The following ACSS1 variants were observed in gnomAD, a reference collection of about 807,000 sequenced individuals.
ACSS1 encodes acyl-CoA synthetase short chain family member 1.
ACSS1 carries 42 observed loss-of-function variants against 75.3 expected under a neutral mutation model. The ratio of observed to expected loss-of-function variants is 0.56; its 90% confidence interval spans 0.44 to 0.72. ACSS1 has a LOEUF of 0.72. Among genes scored for constraint, ACSS1 ranks in the 30% least tolerant of loss-of-function variants. The pLI, the probability that ACSS1 is intolerant of heterozygous loss-of-function variation, is 0.00. For synonymous variants in ACSS1, 380 were observed against 376.8 expected (o/e 1.01, Z -0.10); for missense variants, 782 against 935.7 (o/e 0.84, Z 2.14).
In ACSS1 at chr20:25,057,848, G is replaced by T. The variant is rs66817095; in HGVS notation, c.255C>A (p.Thr85=). 275,470 of 1,611,870 alleles carry T rather than the reference G, an allele frequency of 0.17. 26,628 individuals carry two copies. The highest frequency in any genetic ancestry group is 0.48 in the East Asian group (21,309 of 44,656). Residue 85 remains threonine, a synonymous_variant, in exon 1 of 14, where the codon ACC becomes ACA. Coordinates refer to ENST00000323482, the MANE Select transcript of ACSS1 (RefSeq NM_032501.4). The part of the protein sequence containing the change: ...PLARDTLVWD[T]PYHTVWDCDF... ...CGCAGTCCCAGACGGTGTGGTAGGG[G>T]GTGTCCCACACGAGAGTGTCCCGCG...
chr20:25,055,954 G>A (rs1347543519), intron 1 of ACSS1, among the ~76,000 whole-genome samples: 3 of 152,206 alleles, frequency 2.0e-5, no homozygotes, highest in Admixed American at 6.5e-5. Flanking sequence ...CCATGAACAG[G>A]AGGGCACGCA....
chr20:25,039,008 C>A (rs142883229), intron 2 of ACSS1, among the ~76,000 whole-genome samples: 69 of 152,300 alleles, frequency 4.5e-4, no homozygotes, highest in Non-Finnish European at 6.3e-4. Flanking sequence ...CCCCTCCTCC[C>A]ACTTGTCCTC....
intron 8 of ACSS1, 33 bp from the exon 9 acceptor site, chr20:25,014,106 G>C (rs750401692): frequency 1.2e-5 from 19 of 1,536,892 alleles, no homozygotes; most frequent in Non-Finnish European, 1.7e-5. Context: ...ATGCATAATC[G>C]GCCCCGGACC....
chr20:25,012,506 T>G (rs180958702), intron 12 of ACSS1, 95 bp downstream of exon 12: 1 of 1,452,980 alleles, frequency 6.9e-7, no homozygotes, highest in African/African-American at 1.4e-5. Flanking sequence ...GTATCCCCTA[T>G]CACTCCACTC....
intron 3 of ACSS1, 71 bp from the exon 4 acceptor site, chr20:25,023,712 T>C (rs892940726): frequency 1.5e-5 from 21 of 1,419,326 alleles, no homozygotes; most frequent in African/African-American, 7.1e-5. Context: ...CTGACTCACA[T>C]AGGACATCCA....
chr20:25,045,003 T>G (rs960657211), intron 2 of ACSS1, among the ~76,000 whole-genome samples: 3 of 152,242 alleles, frequency 2.0e-5, no homozygotes, highest in African/African-American at 7.2e-5. Context: ...CTCCAAGCCC[T>G]GCAGCCAGCC....
Position 25,009,392 on chromosome 20 carries a change from A to G in ACSS1, c.1772-4T>C. The G allele has an allele frequency of 6.2e-7, 1 of 1,611,402 alleles. No individual in the cohort carries two copies. The highest frequency in any genetic ancestry group is 8.5e-7 in the Non-Finnish European group (1 of 1,177,412). ...ACCACAATGAAGGCAAAGGCAGCTGAAAATAAAGCCAAGTTTGGGGATGTA... is the reference window on the plus strand; with the variant it reads ...ACCACAATGAAGGCAAAGGCAGCTGGAAATAAAGCCAAGTTTGGGGATGTA... On this transcript the variant is annotated splice_region_variant and splice_polypyrimidine_tract_variant and intron_variant, in intron 12 of 13. Coordinates refer to ENST00000323482, the MANE Select transcript of ACSS1 (RefSeq NM_032501.4).
chr20:25,030,885 C>A lies in ACSS1; in HGVS notation c.505G>T (p.Ala169Ser), dbSNP rs1415149114. 6.2e-7 allele frequency: 1 copy of A among 1,614,132 alleles called. No individual in the cohort carries two copies. Among genetic ancestry groups the A allele is most frequent in the Non-Finnish European group, 8.5e-7 (1 of 1,180,058 alleles). Residue 169 changes from alanine to serine, a missense_variant, in exon 3 of 14, where the codon GCC (alanine) becomes TCC (serine). Physicochemically the swap from Ala to Ser is moderately conservative, Grantham distance 99. Around this residue, in one of 2 missense-constraint regions of ACSS1, gnomAD observed 377 missense variants for 383.1 expected, o/e 0.98. Coordinates refer to ENST00000323482, the MANE Select transcript of ACSS1 (RefSeq NM_032501.4). The stretch of plus-strand genomic sequence containing the variant: ...AATGGGGACACGGGCATGTAGATGG[C>A]AACACGGTCCCCACGGTGGACTCCA... ...RHGVHRGDRV[A>S]IYMPVSPLAV...
Position 25,020,045 on chromosome 20 carries a change from T to C in ACSS1, c.1211A>G (p.Lys404Arg). Residue 404 changes from lysine (K) to arginine (R), a missense_variant, in exon 7 of 14, where the codon AAG (lysine) becomes AGG (arginine). By Grantham distance (26) the Lys-to-Arg change is conservative. This residue lies in a region of ACSS1 where 405 missense variants were observed against 552.6 expected (regional missense o/e 0.73). Transcript: ENST00000323482. The part of the protein sequence containing the change: ...LLKYGDAWVK[K>R]YDRSSLRTLG... ...GGTCCGCAGGGAGGAGCGATCATAC[T>C]TCTTCACCCAGGCATCACCGTATTT... is the stretch of plus-strand genomic sequence containing the variant. The C allele has an allele frequency of 6.2e-7, 1 of 1,614,218 alleles. No homozygotes were observed. The highest frequency in any genetic ancestry group is 8.5e-7 in the Non-Finnish European group (1 of 1,180,036).
At chr20:25,017,920 G>C (rs150139270) in intron 7 of ACSS1, among the ~76,000 whole-genome samples, 203 of 152,278 alleles carry the variant, frequency 1.3e-3, no homozygotes, top group Non-Finnish European at 2.5e-3. Flanking sequence ...ACAACACCTA[G>C]AGGATCTGGG....
intron 2 of ACSS1, among the ~76,000 whole-genome samples, chr20:25,035,578 G>A (rs529497658): frequency 8.4e-4 from 127 of 152,054 alleles, no homozygotes; most frequent in African/African-American, 2.9e-3. Context: ...GCTAATTTTT[G>A]TATTTTAGTA....
chr20:25,020,073 G>C lies in ACSS1; in HGVS notation c.1183C>G (p.Leu395Val), dbSNP rs570386401. The C allele has an allele frequency of 5.0e-6, 8 of 1,614,100 alleles. No homozygotes were observed. The highest frequency in any genetic ancestry group is 6.8e-6 in the Non-Finnish European group (8 of 1,180,050). Residue 395 changes from leucine (L) to valine (V), a missense_variant, in exon 7 of 14, where the codon CTG becomes GTG. Coordinates refer to ENST00000323482, the MANE Select transcript of ACSS1 (RefSeq NM_032501.4). ...YGAPTAVRLL[L>V]KYGDAWVKKY... ...TTCACCCAGGCATCACCGTATTTCAGCAACAGCCGGACAGCCGTTGGGGCG... is the reference window on the plus strand; with the variant it reads ...TTCACCCAGGCATCACCGTATTTCACCAACAGCCGGACAGCCGTTGGGGCG...
At position 25,012,801 on chromosome 20, in the gene ACSS1, C is replaced by T; in HGVS notation, c.1707+11G>A. The T allele has an allele frequency of 1.2e-6, 2 of 1,613,882 alleles. No individual in the cohort carries two copies. Among genetic ancestry groups the T allele is most frequent in the Middle Eastern group, 1.7e-4 (1 of 6,060 alleles). On this transcript the variant is annotated intron_variant, in intron 11 of 13. Coordinates refer to ENST00000323482, the MANE Select transcript of ACSS1 (RefSeq NM_032501.4). The stretch of plus-strand genomic sequence containing the variant: ...TGTAGGAGTGAAGGAGGAGGCCCAG[C>T]CTGTGCTCACGATGGCGTCCTCAAT...
intron 1 of ACSS1, among the ~76,000 whole-genome samples, chr20:25,048,956 A>C (rs1461905112): frequency 1.3e-5 from 2 of 151,848 alleles, no homozygotes; most frequent in African/African-American, 2.4e-5. Flanking sequence ...AGCTCTCCTC[A>C]CTCACTGGCT....
At chr20:25,050,226 C>A (rs1329614614) in intron 1 of ACSS1, among the ~76,000 whole-genome samples, 1 of 152,136 alleles carries the variant, frequency 6.6e-6, no homozygotes, top group Non-Finnish European at 1.5e-5. Context: ...CGAGAGCTTT[C>A]ACATGAAAGC....
chr20:25,012,552 T>C lies in ACSS1; in HGVS notation c.1771+49A>G, dbSNP rs530692882. 12 of 1,604,376 alleles carry C rather than the reference T, an allele frequency of 7.5e-6. No homozygotes were observed. In the Admixed American group the frequency reaches 2.0e-4, roughly 27 times the overall value. The stretch of plus-strand genomic sequence containing the variant: ...GCTCCTCGTACAGAGGTGCCCATAA[T>C]GGGTGTGGGGTCAGGAATCAGGGAG... On this transcript the variant is annotated intron_variant, in intron 12 of 13. Transcript: ENST00000323482.
chr20:25,023,475 C>T lies in ACSS1; in HGVS notation c.798G>A (p.Pro266=), dbSNP rs754037783. ...AAGCGAGGTAACCCACCTGCTCCAG[C>T]GGGACGTCCAGATCCCCCATGTGGA... ...NKVHMGDLDV[P]LEQEMAKEDP... The change falls in exon 4 of 14, where the codon CCG becomes CCA. Residue 266 remains proline, a synonymous_variant. Transcript: ENST00000323482. 10 of 1,613,952 alleles carry T rather than the reference C, an allele frequency of 6.2e-6. No individual in the cohort carries two copies. Among genetic ancestry groups the T allele is most frequent in the South Asian group, 2.2e-5 (2 of 91,074 alleles).
At chr20:25,033,668 A>G (rs1849717401) in intron 2 of ACSS1, among the ~76,000 whole-genome samples, 1 of 152,258 alleles carries the variant, frequency 6.6e-6, no homozygotes, top group African/African-American at 2.4e-5. Context: ...AGGAATTGAC[A>G]GGGAGAGTGT....
Position 25,007,843 on chromosome 20 carries a change from G to C in ACSS1, c.1989C>G (p.Thr663=), listed in dbSNP as rs932028719. The C allele has an allele frequency of 4.3e-6, 7 of 1,614,056 alleles. No individual in the cohort carries two copies. The highest frequency in any genetic ancestry group is 5.9e-6 in the Non-Finnish European group (7 of 1,180,042). Residue 663 remains threonine (T), a synonymous_variant, in exon 14 of 14, where the codon ACC becomes ACG. Transcript: ENST00000323482. The part of the protein sequence containing the change: ...TSEAQELGDT[T]TLEDPSIIAE... ...CGATGATGCTGGGGTCCTCCAAGGT[G>C]GTAGTGTCTCCCAGCTCCTGGGCCT...
Sources: gnomAD v4.1 joint callset for allele counts (sites outside exome capture counted in the v4.1 genomes callset) on GRCh38, gnomAD v4.1.1 for gene constraint, gnomAD v4.1.1 regional missense constraint, MANE v1.5 for transcripts, NCBI Gene and HGNC (gene_info 2026-07-23, HGNC 2026-07-21) for gene names.